MTUS2: variants seen among roughly 807,000 people sequenced by gnomAD.
The protein encoded by MTUS2 is microtubule associated scaffold protein 2, also known as microtubule-associated tumor suppressor candidate 2.
MTUS2 carries 40 observed loss-of-function variants against 114.1 expected under a neutral mutation model. The observed-to-expected ratio is 0.35, with a 90% confidence interval of 0.27 to 0.46. The LOEUF is 0.46. Ranked by LOEUF, MTUS2 falls within the 20% of genes least tolerant of loss-of-function variation. MTUS2 has a pLI of 1.00. For synonymous variants in MTUS2, 688 were observed against 672.0 expected, an observed-to-expected ratio of 1.02 and a Z score of -0.37; for missense variants, 1,679 against 1,705.4, an observed-to-expected ratio of 0.98 and a Z score of 0.27.
At chr13:29,091,281 T>C (rs1889935521) in intron 4 of MTUS2, among the ~76,000 whole-genome samples, 3 of 152,154 alleles carry the variant, frequency 2.0e-5, no homozygotes, top group African/African-American at 7.2e-5. Context: ...TATTTATTTA[T>C]AGTGACACAA....
intron 2 of MTUS2, among the ~76,000 whole-genome samples, chr13:28,954,629 G>A (rs1197567570): frequency 3.9e-5 from 6 of 152,122 alleles, no homozygotes; most frequent in East Asian, 1.9e-4. Flanking sequence ...TTGAAGTGGA[G>A]CCGTGAAGCA....
At chr13:29,186,075 A>G (rs1894210997) in intron 5 of MTUS2, among the ~76,000 whole-genome samples, 1 of 152,118 alleles carries the variant, frequency 6.6e-6, no homozygotes, top group African/African-American at 2.4e-5. Flanking sequence ...TTAACCAGGC[A>G]CGGTGGCACA....
At chr13:29,358,334 A>C (rs1869925713) in intron 7 of MTUS2, among the ~76,000 whole-genome samples, 1 of 151,938 alleles carries the variant, frequency 6.6e-6, no homozygotes, top group Non-Finnish European at 1.5e-5. Flanking sequence ...TTCTTTTTTG[A>C]GCTTCAACCT....
chr13:29,080,577 A>G (rs1037438704), intron 4 of MTUS2, among the ~76,000 whole-genome samples: 1 of 152,162 alleles, frequency 6.6e-6, no homozygotes, highest in Non-Finnish European at 1.5e-5. Flanking sequence ...ATCCAGCACA[A>G]ATGTAGGCTT....
At chr13:28,933,237 T>TA (rs1446175476) in intron 2 of MTUS2, among the ~76,000 whole-genome samples, 3 of 151,954 alleles carry the variant, frequency 2.0e-5, no homozygotes, top group Admixed American at 6.6e-5. Context: ...AAGTCTGAGA[T>TA]TTGTAGGGCA....
intron 4 of MTUS2, among the ~76,000 whole-genome samples, chr13:29,035,907 G>A (rs1887040139): frequency 1.3e-5 from 2 of 152,122 alleles, no homozygotes; most frequent in Non-Finnish European, 1.5e-5. Flanking sequence ...CACTTTGGGA[G>A]ACTGAGGTGG....
chr13:29,405,702 T>C (rs1303274872), intron 8 of MTUS2, among the ~76,000 whole-genome samples: 1 of 152,006 alleles, frequency 6.6e-6, no homozygotes. Context: ...GGCATAAAAT[T>C]ATAAAGAATT....
chr13:29,416,274 A>C (rs1323561084), intron 8 of MTUS2, among the ~76,000 whole-genome samples: 1 of 151,886 alleles, frequency 6.6e-6, no homozygotes, highest in South Asian at 2.1e-4. Context: ...TGCCTCTACA[A>C]CAATGAATGA....
chr13:28,872,575 G>C (rs1261395152), intron 2 of MTUS2, among the ~76,000 whole-genome samples: 1 of 152,194 alleles, frequency 6.6e-6, no homozygotes, highest in African/African-American at 2.4e-5. Flanking sequence ...CATGGTGGAA[G>C]GTGAAGGGGA....
At position 29,077,970 on chromosome 13, in the gene MTUS2, G is replaced by A. The variant is rs186013623; in HGVS notation, c.2447-22803G>A. ...TTAATTCTTCAAGTTTCATCAAAAT[G>A]AGAATATCTGGTTTTTTCAAAGGAT... On this transcript the variant is annotated intron_variant, in intron 4 of 15. Coordinates refer to ENST00000612955, the MANE Select transcript of MTUS2 (RefSeq NM_001033602.4). Among the ~76,000 whole-genome samples, 221 of 152,242 alleles carry A rather than the reference G, an allele frequency of 1.5e-3. 1 individual carries two copies. The highest frequency in any genetic ancestry group is 5.1e-3 in the African/African-American group (213 of 41,546).
chr13:29,257,516 A>T (rs891757707), intron 5 of MTUS2, among the ~76,000 whole-genome samples: 23 of 152,238 alleles, frequency 1.5e-4, no homozygotes, highest in Non-Finnish European at 2.5e-4. Flanking sequence ...TCACAGCATG[A>T]TCAACAATCC....
At chr13:29,488,026 C>T (rs1881759254) in intron 11 of MTUS2, 21 bp downstream of exon 11, 1 of 1,588,306 alleles carries the variant, frequency 6.3e-7, no homozygotes, top group Non-Finnish European at 8.6e-7. Context: ...GCCTCGTGTG[C>T]AGCAGGCAGG....
intron 7 of MTUS2, among the ~76,000 whole-genome samples, chr13:29,327,484 A>G (rs1900574500): frequency 6.6e-6 from 1 of 152,218 alleles, no homozygotes; most frequent in Admixed American, 6.5e-5. Context: ...AATTTTATAT[A>G]AATGGAATCA....
chr13:29,346,053 G>T (rs1398972416), intron 7 of MTUS2, among the ~76,000 whole-genome samples: 1 of 152,302 alleles, frequency 6.6e-6, no homozygotes, highest in South Asian at 2.1e-4. Flanking sequence ...CTCCTCCAGT[G>T]GAGATAGCAG....
At chr13:29,015,908 C>G (rs554302146) in intron 2 of MTUS2, among the ~76,000 whole-genome samples, 60 of 151,464 alleles carry the variant, frequency 4.0e-4, no homozygotes, top group Non-Finnish European at 2.8e-4. Flanking sequence ...AAGATTCGTT[C>G]TTCTTCTTTT....
At chr13:29,182,389 A>T (rs996141753) in intron 5 of MTUS2, among the ~76,000 whole-genome samples, 1 of 152,260 alleles carries the variant, frequency 6.6e-6, no homozygotes, top group African/African-American at 2.4e-5. Context: ...TGTCTAAGGC[A>T]TTCATAACTG....
chr13:28,854,948 C>G (rs1876526550), intron 2 of MTUS2, among the ~76,000 whole-genome samples: 1 of 152,130 alleles, frequency 6.6e-6, no homozygotes, highest in Non-Finnish European at 1.5e-5. Flanking sequence ...GACACATCCC[C>G]TCCTTTTGTC....
intron 5 of MTUS2, among the ~76,000 whole-genome samples, chr13:29,175,314 G>A (rs1320255765): frequency 6.6e-6 from 1 of 152,160 alleles, no homozygotes; most frequent in African/African-American, 2.4e-5. Flanking sequence ...TCATTATAAA[G>A]GAATGGGATT....
intron 7 of MTUS2, among the ~76,000 whole-genome samples, chr13:29,342,915 A>T (rs1321005004): frequency 6.6e-6 from 1 of 152,074 alleles, no homozygotes; most frequent in African/African-American, 2.4e-5. Flanking sequence ...TATTGAGATG[A>T]TCATGTTATT....
Sources: gnomAD v4.1 joint callset for allele counts (sites outside exome capture counted in the v4.1 genomes callset) on GRCh38, gnomAD v4.1.1 for gene constraint, MANE v1.5 for transcripts, NCBI Gene and HGNC (gene_info 2026-07-23, HGNC 2026-07-21) for gene names.